Variants in CELF4 observed in about 807,000 individuals in gnomAD.
CELF4 encodes CUG-BP- and ETR-3-like factor 4.
Under a neutral mutation model 59.9 loss-of-function variants are expected in CELF4, and 18 were observed. That is an observed-to-expected ratio of 0.30 (90% CI 0.21 to 0.45). The LOEUF is 0.45. Among genes scored for constraint, CELF4 ranks in the 20% least tolerant of loss-of-function variants. The pLI, the probability that CELF4 is intolerant of heterozygous loss-of-function variation, is 1.00. For synonymous variants in CELF4, 261 were observed against 267.1 expected, an observed-to-expected ratio of 0.98 and a Z score of 0.22; for missense variants, 456 against 689.0, an observed-to-expected ratio of 0.66 and a Z score of 3.79.
At chr18:37,506,370 G>C (rs1321305954) in intron 1 of CELF4, among the ~76,000 whole-genome samples, 5 of 152,194 alleles carry the variant, frequency 3.3e-5, no homozygotes, top group African/African-American at 1.2e-4. Flanking sequence ...GATGTGGACA[G>C]ACCAGCCAGC....
chr18:37,506,778 G>A (rs944393883), intron 1 of CELF4, among the ~76,000 whole-genome samples: 2 of 152,220 alleles, frequency 1.3e-5, no homozygotes, highest in Non-Finnish European at 2.9e-5. Flanking sequence ...CCTGGGAAAT[G>A]GGGGGAAGCA....
intron 1 of CELF4, among the ~76,000 whole-genome samples, chr18:37,544,066 C>T (rs1296278938): frequency 6.6e-6 from 1 of 151,714 alleles, no homozygotes; most frequent in Non-Finnish European, 1.5e-5. Flanking sequence ...TGCAGAGATG[C>T]AACTTACCTC....
chr18:37,320,618 C>T (rs992176619), intron 3 of CELF4, among the ~76,000 whole-genome samples: 2 of 152,180 alleles, frequency 1.3e-5, no homozygotes, highest in African/African-American at 4.8e-5. Flanking sequence ...AGAGTCTCTA[C>T]TCGGGGGTCC....
At chr18:37,450,392 C>T (rs557378873) in intron 2 of CELF4, among the ~76,000 whole-genome samples, 12 of 151,772 alleles carry the variant, frequency 7.9e-5, no homozygotes, top group African/African-American at 2.9e-4. Flanking sequence ...AGGTCTCTCT[C>T]GGTGTCTCTC....
intron 2 of CELF4, among the ~76,000 whole-genome samples, chr18:37,327,343 C>T (rs892758952): frequency 2.0e-5 from 3 of 152,172 alleles, no homozygotes; most frequent in African/African-American, 7.2e-5. Context: ...TACTCCTTTC[C>T]TGGTCCTGGT....
At chr18:37,524,165 G>A (rs2099960815) in intron 1 of CELF4, among the ~76,000 whole-genome samples, 1 of 152,232 alleles carries the variant, frequency 6.6e-6, no homozygotes, top group South Asian at 2.1e-4. Context: ...CGCCTTGAAT[G>A]AGTCATATCT....
At chr18:37,409,053 G>T (rs1358841417) in intron 2 of CELF4, among the ~76,000 whole-genome samples, 1 of 152,200 alleles carries the variant, frequency 6.6e-6, no homozygotes, top group African/African-American at 2.4e-5. Context: ...GGGGGCAGGG[G>T]CCAGGACTGC....
chr18:37,562,754 T>A (rs1603644286), intron 1 of CELF4, among the ~76,000 whole-genome samples: 1 of 152,220 alleles, frequency 6.6e-6, no homozygotes, highest in East Asian at 1.9e-4. Flanking sequence ...TAAACTCTTC[T>A]AGGACTGAAT....
chr18:37,431,046 G>A (rs1338017766), intron 2 of CELF4, among the ~76,000 whole-genome samples: 1 of 152,200 alleles, frequency 6.6e-6, no homozygotes, highest in East Asian at 1.9e-4. Flanking sequence ...CAAGTATAGG[G>A]AGGAAAGGAC....
chr18:37,394,781 C>T (rs2099220219), intron 2 of CELF4, among the ~76,000 whole-genome samples: 1 of 152,146 alleles, frequency 6.6e-6, no homozygotes, highest in African/African-American at 2.4e-5. Flanking sequence ...AAGTGTCAGC[C>T]ACCCACTCCC....
chr18:37,417,990 C>A (rs1248924087), intron 2 of CELF4, among the ~76,000 whole-genome samples: 1 of 152,214 alleles, frequency 6.6e-6, no homozygotes, highest in Non-Finnish European at 1.5e-5. Context: ...AGTTTAAAGA[C>A]TGGAACCTGC....
chr18:37,413,132 A>C (rs1178873249), intron 2 of CELF4, among the ~76,000 whole-genome samples: 1 of 152,198 alleles, frequency 6.6e-6, no homozygotes, highest in Non-Finnish European at 1.5e-5. Flanking sequence ...TCATGTTTAA[A>C]TTTAAAAACA....
At chr18:37,328,838 C>T (rs923090001) in intron 2 of CELF4, among the ~76,000 whole-genome samples, 3 of 152,192 alleles carry the variant, frequency 2.0e-5, no homozygotes, top group African/African-American at 7.2e-5. Context: ...TCACTGTGCC[C>T]TAATCCCACC....
chr18:37,460,045 G>A (rs537879148), intron 2 of CELF4, among the ~76,000 whole-genome samples: 2 of 152,292 alleles, frequency 1.3e-5, no homozygotes, highest in Admixed American at 6.5e-5. Context: ...TGAATGGATG[G>A]GCAGTATTGG....
intron 3 of CELF4, chr18:37,276,227 C>T: frequency 6.6e-6 from 1 of 152,174 alleles, no homozygotes; most frequent in East Asian, 1.9e-4. Context: ...CTCAGGGAGA[C>T]AAAGCATGCA....
chr18:37,435,113 C>G (rs1258797166), intron 2 of CELF4, among the ~76,000 whole-genome samples: 1 of 152,078 alleles, frequency 6.6e-6, no homozygotes, highest in Non-Finnish European at 1.5e-5. Flanking sequence ...GTAGAGAACC[C>G]AGGGAAAGGT....
At chr18:37,283,045 T>A (rs1020429471) in intron 3 of CELF4, among the ~76,000 whole-genome samples, 5 of 152,096 alleles carry the variant, frequency 3.3e-5, no homozygotes, top group Non-Finnish European at 5.9e-5. Context: ...CCTCACCTGC[T>A]CTTCCCCGCC....
At chr18:37,289,607 T>C (rs780443845) in intron 3 of CELF4, among the ~76,000 whole-genome samples, 9 of 151,582 alleles carry the variant, frequency 5.9e-5, no homozygotes, top group Non-Finnish European at 1.2e-4. Flanking sequence ...CAGCTGCCCT[T>C]TGGATGTCCT....
At chr18:37,398,428 T>G (rs1370613412) in intron 2 of CELF4, among the ~76,000 whole-genome samples, 1 of 152,202 alleles carries the variant, frequency 6.6e-6, no homozygotes, top group Non-Finnish European at 1.5e-5. Context: ...AGCTGCTCCA[T>G]GATGTGGTTC....
Sources: allele counts gnomAD v4.1 joint callset (sites outside exome capture counted in the v4.1 genomes callset), GRCh38; gene constraint gnomAD v4.1.1; transcripts MANE v1.5; gene names NCBI Gene and HGNC (gene_info 2026-07-23, HGNC 2026-07-21).